SFMBT2: variants seen among roughly 807,000 people sequenced by gnomAD.
SFMBT2 encodes the protein scm-like with four MBT domains protein 2.
In SFMBT2, 38 loss-of-function variants were observed where a neutral mutation model predicts 110.1. That is an observed-to-expected ratio of 0.35 (90% confidence interval 0.27 to 0.45). The LOEUF (loss-of-function observed/expected upper bound fraction) is 0.45, where lower values mean the gene tolerates loss of function less well. Ranked by LOEUF, SFMBT2 falls within the 20% of genes least tolerant of loss-of-function variation. The pLI is 1.00. For synonymous variants in SFMBT2, 425 were observed against 425.4 expected, an observed-to-expected ratio of 1.00 and a Z score of 0.01; for missense variants, 1,011 against 1,094.9, an observed-to-expected ratio of 0.92 and a Z score of 1.08.
At chr10:7,199,934 G>A (rs1161028994) in intron 14 of SFMBT2, among the ~76,000 whole-genome samples, 1 of 152,154 alleles carries the variant, frequency 6.6e-6, no homozygotes, top group East Asian at 1.9e-4. Context: ...TAAGATGTAA[G>A]ACTTTACACA....
chr10:7,332,495 C>A (rs1843591275), intron 4 of SFMBT2, among the ~76,000 whole-genome samples: 1 of 152,132 alleles, frequency 6.6e-6, no homozygotes, highest in South Asian at 2.1e-4. Flanking sequence ...AATAAGTTAA[C>A]TTTTTAAATT....
intron 1 of SFMBT2, among the ~76,000 whole-genome samples, chr10:7,385,136 G>A (rs1378004638): frequency 2.0e-5 from 3 of 152,212 alleles, no homozygotes; most frequent in African/African-American, 7.2e-5. Context: ...ATAAGCAAGT[G>A]TGTCCATCCA....
intron 1 of SFMBT2, among the ~76,000 whole-genome samples, chr10:7,407,491 G>C (rs1846251532): frequency 6.6e-6 from 1 of 152,092 alleles, no homozygotes; most frequent in Non-Finnish European, 1.5e-5. Context: ...ATCAGCCGCG[G>C]CTGTGCTGCG....
At chr10:7,204,414 T>A (rs1355888706) in intron 12 of SFMBT2, 1 of 985,288 alleles carries the variant, frequency 1.0e-6, no homozygotes, top group African/African-American at 1.7e-5. Context: ...ATCAAGAAAA[T>A]GTCAGAGACG....
chr10:7,387,941 T>G (rs192629258), intron 1 of SFMBT2, among the ~76,000 whole-genome samples: 92 of 139,180 alleles, frequency 6.6e-4, no homozygotes, highest in Middle Eastern at 6.9e-3. Context: ...AGAGCAACTC[T>G]GTTTCAAAAA....
At chr10:7,317,250 T>C (rs1415319757) in intron 4 of SFMBT2, among the ~76,000 whole-genome samples, 1 of 151,760 alleles carries the variant, frequency 6.6e-6, no homozygotes, top group Non-Finnish European at 1.5e-5. Context: ...TTTATTCCTC[T>C]CATCATTCGA....
intron 7 of SFMBT2, among the ~76,000 whole-genome samples, chr10:7,272,234 C>T (rs1386730829): frequency 6.6e-6 from 1 of 152,172 alleles, no homozygotes; most frequent in Non-Finnish European, 1.5e-5. Context: ...CATTTCACCT[C>T]CTCCTAAACT....
At chr10:7,394,189 G>A (rs571367472) in intron 1 of SFMBT2, among the ~76,000 whole-genome samples, 1 of 152,188 alleles carries the variant, frequency 6.6e-6, no homozygotes, top group Admixed American at 6.6e-5. Flanking sequence ...ATGTTGCCCA[G>A]GCTGGTCTCG....
At chr10:7,390,013 C>A (rs1480120826) in intron 1 of SFMBT2, among the ~76,000 whole-genome samples, 1 of 152,204 alleles carries the variant, frequency 6.6e-6, no homozygotes, top group African/African-American at 2.4e-5. Context: ...TTAGATATTA[C>A]TCTTCAACTA....
At chr10:7,199,800 A>T (rs1838894477) in intron 14 of SFMBT2, among the ~76,000 whole-genome samples, 1 of 152,226 alleles carries the variant, frequency 6.6e-6, no homozygotes, top group African/African-American at 2.4e-5. Flanking sequence ...CCTGGAATTC[A>T]GAGCAGGTTT....
At chr10:7,296,728 G>A (rs559900508) in intron 4 of SFMBT2, among the ~76,000 whole-genome samples, 68 of 152,334 alleles carry the variant, frequency 4.5e-4, no homozygotes, top group Non-Finnish European at 7.1e-4. Context: ...ATGCGACTCC[G>A]GATTTTTCTG....
At chr10:7,322,865 C>G (rs1358723252) in intron 4 of SFMBT2, among the ~76,000 whole-genome samples, 1 of 152,174 alleles carries the variant, frequency 6.6e-6, no homozygotes, top group Non-Finnish European at 1.5e-5. Flanking sequence ...TTACTGCATG[C>G]TGCTGGCTAG....
rs552915050 is a variant in SFMBT2, at chr10:7,408,950, G to C, written c.-52+1911C>G. ...CCGAGAGGGTTCCTAAGCCGAGCAAGGGACAATTTCTTCCCCAAACGCTGT... is the reference window on the plus strand; with the variant it reads ...CCGAGAGGGTTCCTAAGCCGAGCAACGGACAATTTCTTCCCCAAACGCTGT... On this transcript the variant is annotated intron_variant, in intron 1 of 20. Coordinates refer to ENST00000397167, the MANE Select transcript of SFMBT2 (RefSeq NM_001387889.1). The surrounding 1 kb of genome is among the most constrained non-coding windows in gnomAD (Gnocchi z 5.7). Among the ~76,000 whole-genome samples, 1 of 152,080 alleles carries C rather than the reference G, an allele frequency of 6.6e-6. No homozygotes were observed. The highest frequency in any genetic ancestry group is 2.4e-5 in the African/African-American group (1 of 41,406).
chr10:7,232,905 G>C (rs1840146923), intron 9 of SFMBT2, among the ~76,000 whole-genome samples: 2 of 152,066 alleles, frequency 1.3e-5, no homozygotes, highest in African/African-American at 4.8e-5. Context: ...CTCCAGCTTT[G>C]CCAGTAGAAT....
intron 7 of SFMBT2, among the ~76,000 whole-genome samples, chr10:7,276,430 T>G (rs1281584131): frequency 6.6e-6 from 1 of 152,274 alleles, no homozygotes; most frequent in Non-Finnish European, 1.5e-5. Flanking sequence ...ATGAAGATTA[T>G]TTTTTTAAAA....
At chr10:7,312,721 C>T (rs1391785760) in intron 4 of SFMBT2, among the ~76,000 whole-genome samples, 1 of 152,176 alleles carries the variant, frequency 6.6e-6, no homozygotes, top group African/African-American at 2.4e-5. Flanking sequence ...TCCTAAGGGG[C>T]GTTAGCGAAT....
chr10:7,293,824 C>A lies in SFMBT2; in HGVS notation c.437-7870G>T, dbSNP rs572315254. Among the ~76,000 whole-genome samples, 19 of 152,294 alleles carry A rather than the reference C, an allele frequency of 1.2e-4. 1 individual carries two copies. Among genetic ancestry groups the A allele is most frequent in the African/African-American group, 3.8e-4 (16 of 41,576 alleles). On this transcript the variant is annotated intron_variant, in intron 4 of 20. Transcript: ENST00000397167. This position sits in a 1 kb window ranked among gnomAD's most constrained non-coding sequence, Gnocchi z 4.6. Reference sequence around the variant, plus strand: ...AACCCAGGGTCTTTCAATCCTGTCACTCTGCTCTAAGTGAGGGCAGGGAAA... The same window carrying A: ...AACCCAGGGTCTTTCAATCCTGTCAATCTGCTCTAAGTGAGGGCAGGGAAA...
chr10:7,219,977 C>T (rs1353747586), intron 11 of SFMBT2: 1 of 152,238 alleles, frequency 6.6e-6, no homozygotes, highest in Non-Finnish European at 1.5e-5. Context: ...AGAAAGTCAT[C>T]CTCCAGGTAC....
At chr10:7,401,317 C>T (rs1251191743) in intron 1 of SFMBT2, among the ~76,000 whole-genome samples, 1 of 152,120 alleles carries the variant, frequency 6.6e-6, no homozygotes, top group Admixed American at 6.5e-5. Flanking sequence ...ACAGACTACA[C>T]CTCTCAACCA....
Sources: allele counts gnomAD v4.1 joint callset (sites outside exome capture counted in the v4.1 genomes callset), GRCh38; gene constraint gnomAD v4.1.1; non-coding constraint Gnocchi (gnomAD v3.1); transcripts MANE v1.5; gene names NCBI Gene and HGNC (gene_info 2026-07-23, HGNC 2026-07-21).